RAD51B: variants seen among roughly 807,000 people sequenced by gnomAD.
RAD51B encodes DNA repair protein RAD51 homolog 2.
A neutral mutation model predicts 42.2 loss-of-function variants in RAD51B; 38 were observed. That is an observed-to-expected ratio of 0.90 (90% CI 0.70 to 1.18). The LOEUF (loss-of-function observed/expected upper bound fraction) is 1.18. Among genes scored for constraint, RAD51B ranks in the 50% most tolerant of loss-of-function variants. RAD51B has a pLI of 0.00. For missense variants in RAD51B, 373 were observed against 400.7 expected (o/e 0.93, Z 0.59); for synonymous variants, 154 against 145.2 (o/e 1.06, Z -0.43).
intron 7 of RAD51B, among the ~76,000 whole-genome samples, chr14:68,034,015 A>G (rs1222848318): frequency 2.0e-5 from 3 of 152,124 alleles, no homozygotes; most frequent in African/African-American, 7.2e-5. Context: ...CTGAGATACA[A>G]ATGAATCACT....
rs542029593 is a variant in RAD51B, at chr14:68,424,750, C to T, written c.957+13223C>T. ...TTTGATCCCTTTGACTTGAGGAGGCCAGTCCTTCTCAGGAACCACCTGTAA... is the reference window on the plus strand; with the variant it reads ...TTTGATCCCTTTGACTTGAGGAGGCTAGTCCTTCTCAGGAACCACCTGTAA... On this transcript the variant is annotated intron_variant, in intron 9 of 10. Transcript: ENST00000471583. 2.7e-4 allele frequency among the ~76,000 whole-genome samples: 41 copies of T among 152,092 alleles called. No individual in the cohort carries two copies. The South Asian group carries it at 8.1e-3, about 30-fold the overall frequency.
chr14:67,997,215 G>C (rs1386829056), intron 7 of RAD51B, among the ~76,000 whole-genome samples: 1 of 152,082 alleles, frequency 6.6e-6, no homozygotes, highest in African/African-American at 2.4e-5. Context: ...CAAAAAACTA[G>C]ATACAATCCC....
At chr14:68,579,965 GGGAGGGGGCGGTGCCCGCAAGT>G (rs1281650138) in intron 10 of RAD51B, among the ~76,000 whole-genome samples, 3 of 152,250 alleles carry the variant, frequency 2.0e-5, no homozygotes, top group Non-Finnish European at 4.4e-5. Context: ...GAGAAGGTGT[GGGAGGGGGCGGTGCCCGCAAGT>G]GGAGGTGGGG....
intron 5 of RAD51B, among the ~76,000 whole-genome samples, chr14:67,877,531 C>G (rs1477620938): frequency 6.6e-6 from 1 of 152,084 alleles, no homozygotes; most frequent in Non-Finnish European, 1.5e-5. Flanking sequence ...CATTGGGCTT[C>G]TAGTCTTTTT....
chr14:67,855,493 G>A lies in RAD51B; in HGVS notation c.316-9510G>A, dbSNP rs574214218. Among the ~76,000 whole-genome samples, 65 of 151,882 alleles carry A rather than the reference G, an allele frequency of 4.3e-4. No homozygotes were observed. In the South Asian group the frequency reaches 5.2e-3, roughly 12 times the overall value. The stretch of plus-strand genomic sequence containing the variant: ...CTGACCTCGTGATTCGCCCACCTTG[G>A]CCTCCCAAAGTGCTGGGATTATAGG... On this transcript the variant is annotated intron_variant, in intron 4 of 10. Coordinates refer to ENST00000471583, the MANE Select transcript of RAD51B (RefSeq NM_133510.4).
intron 7 of RAD51B, among the ~76,000 whole-genome samples, chr14:68,140,578 C>A (rs1363306467): frequency 2.0e-5 from 3 of 152,218 alleles, no homozygotes; most frequent in Non-Finnish European, 4.4e-5. Context: ...TTACCCTACT[C>A]TCTAAAAGTG....
chr14:68,421,646 C>G (rs1225124418), intron 9 of RAD51B: 2 of 1,450,828 alleles, frequency 1.4e-6, no homozygotes, highest in Non-Finnish European at 1.9e-6. Flanking sequence ...GGGGTGCTCT[C>G]CTGAGCTACG....
chr14:67,893,547 T>A, intron 7 of RAD51B, among the ~76,000 whole-genome samples: 1 of 149,596 alleles, frequency 6.7e-6, no homozygotes, highest in Non-Finnish European at 1.5e-5. Context: ...GCTACACACC[T>A]GTAGTCACAG....
chr14:67,952,212 A>G (rs1030000695), intron 7 of RAD51B, among the ~76,000 whole-genome samples: 1 of 134,846 alleles, frequency 7.4e-6, no homozygotes, highest in African/African-American at 3.5e-5. Flanking sequence ...GGCTTCATTT[A>G]TAGAAAAAAA....
intron 7 of RAD51B, among the ~76,000 whole-genome samples, chr14:67,892,029 A>G (rs2043234688): frequency 6.6e-6 from 1 of 152,204 alleles, no homozygotes; most frequent in East Asian, 1.9e-4. Flanking sequence ...TGTGTGTAAC[A>G]TTGTTGTATC....
chr14:68,448,822 G>A (rs1594854132), intron 9 of RAD51B, among the ~76,000 whole-genome samples: 1 of 152,014 alleles, frequency 6.6e-6, no homozygotes, highest in East Asian at 1.9e-4. Context: ...GACTTTCCAT[G>A]TATAAGAGAG....
intron 7 of RAD51B, among the ~76,000 whole-genome samples, chr14:68,095,321 A>T (rs1353872722): frequency 1.3e-5 from 2 of 152,138 alleles, no homozygotes; most frequent in African/African-American, 2.4e-5. Context: ...TTAGTTGAGA[A>T]CTGTATTCTC....
intron 8 of RAD51B, among the ~76,000 whole-genome samples, chr14:68,391,158 C>CTTTCTTTT (rs1231852552): frequency 6.6e-6 from 1 of 151,330 alleles, no homozygotes; most frequent in South Asian, 2.1e-4. Flanking sequence ...TTCTTTCTTT[C>CTTTCTTTT]TTTCTTTCTT....
At chr14:67,835,258 A>G in intron 4 of RAD51B, 62 bp downstream of exon 4, 1 of 1,192,948 alleles carries the variant, frequency 8.4e-7, no homozygotes, top group South Asian at 1.3e-5. Flanking sequence ...CTAGGGAAAA[A>G]GTTTAGTTAA....
At chr14:68,562,907 A>G (rs781225802) in intron 10 of RAD51B, 45 of 985,438 alleles carry the variant, frequency 4.6e-5, no homozygotes, top group Non-Finnish European at 5.4e-5. Context: ...GATGGAGCCC[A>G]TTGCCTCCAC....
intron 10 of RAD51B, among the ~76,000 whole-genome samples, chr14:68,575,724 A>G (rs1198084849): frequency 6.6e-6 from 1 of 152,230 alleles, no homozygotes; most frequent in South Asian, 2.1e-4. Flanking sequence ...CTCATGCCCC[A>G]GTTGGCAGCC....
chr14:68,462,063 CCAGATCTGCTGAGTCCCACTGAAAATT>C (rs1371128957), intron 9 of RAD51B, among the ~76,000 whole-genome samples: 1 of 152,092 alleles, frequency 6.6e-6, no homozygotes, highest in African/African-American at 2.4e-5. Context: ...AGAAAATGCC[CCAGATCTGCTGAGTCCCACTGAAAATT>C]CAGAGCTTGC....
At chr14:67,868,240 A>T (rs193220173) in intron 5 of RAD51B, among the ~76,000 whole-genome samples, 1 of 152,066 alleles carries the variant, frequency 6.6e-6, no homozygotes, top group African/African-American at 2.4e-5. Flanking sequence ...ACCACATGCA[A>T]GCCGAAGCAG....
intron 7 of RAD51B, among the ~76,000 whole-genome samples, chr14:68,012,388 GT>G (rs1442942766): frequency 2.0e-5 from 3 of 152,010 alleles, no homozygotes; most frequent in Non-Finnish European, 1.5e-5. Context: ...TTAAGAATGG[GT>G]TTATAGTTTT....
Sources: allele counts gnomAD v4.1 joint callset (sites outside exome capture counted in the v4.1 genomes callset), GRCh38; gene constraint gnomAD v4.1.1; transcripts MANE v1.5; gene names NCBI Gene and HGNC (gene_info 2026-07-23, HGNC 2026-07-21).